The following CPB1 variants were observed in gnomAD, a reference collection of about 807,000 sequenced individuals.
CPB1 encodes the protein carboxypeptidase B1.
CPB1 carries 53 observed loss-of-function variants against 51.4 expected under a neutral mutation model. That is an observed-to-expected ratio of 1.03 (90% CI 0.83 to 1.30). CPB1 has a LOEUF of 1.30. CPB1 is among the 50% of genes most tolerant of loss of function. The pLI is 0.00. For synonymous variants in CPB1, 189 were observed against 186.9 expected, an observed-to-expected ratio of 1.01 and a Z score of -0.09; for missense variants, 494 against 516.2, an observed-to-expected ratio of 0.96 and a Z score of 0.42.
intron 5 of CPB1, among the ~76,000 whole-genome samples, chr3:148,841,616 A>C (rs1713082940): frequency 1.3e-5 from 2 of 152,200 alleles, no homozygotes; most frequent in African/African-American, 2.4e-5. Flanking sequence ...AATAATAAAC[A>C]GCCATATAAG....
At position 148,828,041 on chromosome 3, in the gene CPB1, C is replaced by G; in HGVS notation, c.111C>G (p.His37Gln). Residue 37 changes from histidine to glutamine, a missense_variant, in exon 2 of 11, where the codon CAC becomes CAG. Physicochemically the swap from His to Gln is conservative, Grantham distance 24. Coordinates refer to ENST00000282957, the MANE Select transcript of CPB1 (RefSeq NM_001871.3). ...GTGTTAACGTTGAAGATGAAAATCACATTAACATAATCCGCGAGTTGGCCA... is the reference window on the plus strand; with the variant it reads ...GTGTTAACGTTGAAGATGAAAATCAGATTAACATAATCCGCGAGTTGGCCA... ...VFRVNVEDEN[H>Q]INIIRELAST... 6.2e-7 allele frequency: 1 copy of G among 1,614,102 alleles called. No homozygotes were observed. Among genetic ancestry groups the G allele is most frequent in the Non-Finnish European group, 8.5e-7 (1 of 1,179,974 alleles).
chr3:148,834,719 C>T, intron 3 of CPB1, 97 bp downstream of exon 3: 1 of 1,189,266 alleles, frequency 8.4e-7, no homozygotes, highest in Non-Finnish European at 1.2e-6. Flanking sequence ...AGACCAAGAC[C>T]AATGCCTTCC....
At chr3:148,831,811 G>C (rs1712746927) in intron 2 of CPB1, among the ~76,000 whole-genome samples, 1 of 151,998 alleles carries the variant, frequency 6.6e-6, no homozygotes, top group Non-Finnish European at 1.5e-5. Context: ...TTATATTTCA[G>C]ACATACATCT....
chr3:148,840,789 T>C lies in CPB1; in HGVS notation c.372+4T>C. 2 of 1,613,994 alleles carry C rather than the reference T, an allele frequency of 1.2e-6. No individual in the cohort carries two copies. The highest frequency in any genetic ancestry group is 1.7e-6 in the Non-Finnish European group (2 of 1,179,872). On this transcript the variant is annotated splice_donor_region_variant and intron_variant, in intron 4 of 10. Coordinates refer to ENST00000282957, the MANE Select transcript of CPB1 (RefSeq NM_001871.3). ...GAAGTACAACAAGTGGGAAACGGTA[T>C]GATGTGCACATGATTTAGACAGATA... is the stretch of plus-strand genomic sequence containing the variant.
intron 6 of CPB1, among the ~76,000 whole-genome samples, chr3:148,843,509 A>G (rs935248505): frequency 6.6e-6 from 1 of 152,050 alleles, no homozygotes; most frequent in African/African-American, 2.4e-5. Flanking sequence ...TGCCTTTCAG[A>G]AGAGGATAAC....
At chr3:148,852,994 T>A (rs1202644986) in intron 9 of CPB1, among the ~76,000 whole-genome samples, 1 of 152,198 alleles carries the variant, frequency 6.6e-6, no homozygotes, top group Non-Finnish European at 1.5e-5. Flanking sequence ...GGGCTTCTTC[T>A]TTTGCACCAA....
At position 148,841,885 on chromosome 3, in the gene CPB1, G is replaced by A. The variant is rs1713096796; in HGVS notation, c.537G>A (p.Glu179=). ...IFMDCGFHAR[E]WISPAFCQWF... is the part of the protein sequence containing the mutation. ...TGGACTGTGGTTTCCATGCCAGAGA[G>A]TGGATTTCTCCTGCATTCTGCCAGT... Residue 179 remains glutamate (E), a synonymous_variant, in exon 6 of 11, where the codon GAG becomes GAA. Coordinates refer to ENST00000282957, the MANE Select transcript of CPB1 (RefSeq NM_001871.3). The A allele has an allele frequency of 2.5e-6, 4 of 1,613,936 alleles. No homozygotes were observed. In the South Asian group the frequency reaches 4.4e-5, roughly 18 times the overall value.
chr3:148,852,846 GC>G (rs1365812660), intron 9 of CPB1, among the ~76,000 whole-genome samples: 1 of 152,140 alleles, frequency 6.6e-6, no homozygotes, highest in African/African-American at 2.4e-5. Context: ...GTGGAAATCG[GC>G]AGGCCTGGTT....
intron 9 of CPB1, chr3:148,854,447 G>C (rs1374560755): frequency 1.3e-5 from 2 of 152,058 alleles, no homozygotes; most frequent in South Asian, 2.1e-4. Context: ...GAGGGGCTAA[G>C]AGAAAGGATT....
chr3:148,828,141 A>G (rs1303701262), intron 2 of CPB1, 64 bp downstream of exon 2: 7 of 1,262,210 alleles, frequency 5.5e-6, no homozygotes, highest in Non-Finnish European at 7.9e-6. Context: ...TGTGATTCCG[A>G]CAATGGAAAA....
rs776165835 is a variant in CPB1, at chr3:148,859,785, T to C, written c.1067-30T>C. 3 of 1,545,964 alleles carry C rather than the reference T, an allele frequency of 1.9e-6. No individual in the cohort carries two copies. In the African/African-American group the frequency reaches 4.1e-5, roughly 21 times the overall value. The stretch of plus-strand genomic sequence containing the variant: ...TTAAAGCTCCTTCCTAGATTTAAAG[T>C]TTTTTTTCACTGCTGTTTGCACATT... On this transcript the variant is annotated intron_variant, in intron 10 of 10. Coordinates refer to ENST00000282957, the MANE Select transcript of CPB1 (RefSeq NM_001871.3).
chr3:148,839,608 C>T (rs1443509149), intron 3 of CPB1, among the ~76,000 whole-genome samples: 1 of 152,138 alleles, frequency 6.6e-6, no homozygotes, highest in East Asian at 1.9e-4. Flanking sequence ...ATTTATTACA[C>T]TTTCCAAAAA....
chr3:148,838,469 T>G (rs914047726), intron 3 of CPB1: 2 of 152,110 alleles, frequency 1.3e-5, no homozygotes, highest in African/African-American at 2.4e-5. Flanking sequence ...CTTAGCAGTT[T>G]CTGTCGGTTG....
At chr3:148,833,036 T>G in intron 2 of CPB1, among the ~76,000 whole-genome samples, 1 of 152,196 alleles carries the variant, frequency 6.6e-6, no homozygotes, top group Non-Finnish European at 1.5e-5. Flanking sequence ...ATATGCTTTC[T>G]CTTATAATGT....
intron 6 of CPB1, among the ~76,000 whole-genome samples, chr3:148,842,576 G>C (rs565945218): frequency 6.6e-6 from 1 of 152,182 alleles, no homozygotes; most frequent in South Asian, 2.1e-4. Flanking sequence ...CCTTCTTGCA[G>C]AAGAATTACA....
At chr3:148,840,560 C>T in intron 3 of CPB1, 126 bp from the exon 4 acceptor site, 1 of 763,990 alleles carries the variant, frequency 1.3e-6, no homozygotes, top group South Asian at 1.6e-5. Flanking sequence ...AACCAGAGGA[C>T]AACATGAGAA....
Position 148,841,879 on chromosome 3 carries a change from CAG to C in CPB1, c.536_537del (p.Glu179ValfsTer21), listed in dbSNP as rs1211930804. On this transcript the variant is annotated frameshift_variant, in exon 6 of 11. Coordinates refer to ENST00000282957, the MANE Select transcript of CPB1 (RefSeq NM_001871.3). LOFTEE classifies it high-confidence loss of function. ...TTTTCATGGACTGTGGTTTCCATGC[CAG>C]AGAGTGGATTTCTCCTGCATTCTGC... is the stretch of plus-strand genomic sequence containing the variant. ...AIFMDCGFHA[R>X]EWISPAFCQW... The C allele has an allele frequency of 6.2e-7, 1 of 1,613,896 alleles. No homozygotes were observed. Among genetic ancestry groups the C allele is most frequent in the Non-Finnish European group, 8.5e-7 (1 of 1,179,840 alleles).
At chr3:148,847,473 C>T (rs1239128074) in intron 9 of CPB1, among the ~76,000 whole-genome samples, 1 of 149,108 alleles carries the variant, frequency 6.7e-6, no homozygotes, top group African/African-American at 2.5e-5. Flanking sequence ...AGTAAAAGAA[C>T]CAAGCCTCAG....
intron 3 of CPB1, chr3:148,838,154 A>G (rs1712961626): frequency 6.6e-6 from 1 of 152,218 alleles, no homozygotes; most frequent in Non-Finnish European, 1.5e-5. Flanking sequence ...AGGCTGAGGC[A>G]GGAGAATGGA....
Sources: gnomAD v4.1 joint callset for allele counts (sites outside exome capture counted in the v4.1 genomes callset) on GRCh38, gnomAD v4.1.1 for gene constraint, MANE v1.5 for transcripts, NCBI Gene and HGNC (gene_info 2026-07-23, HGNC 2026-07-21) for gene names.